The following TNNI1 variants were observed in gnomAD, a reference collection of about 807,000 sequenced individuals.
The protein encoded by TNNI1 is troponin I1, slow skeletal type.
Under a neutral mutation model 26.7 loss-of-function variants are expected in TNNI1, and 14 were observed. The observed-to-expected ratio is 0.52, with a 90% confidence interval of 0.35 to 0.82. TNNI1 has a LOEUF of 0.82. Among genes scored for constraint, TNNI1 ranks in the 40% least tolerant of loss-of-function variants. The pLI, the probability that TNNI1 is intolerant of heterozygous loss-of-function variation, is 0.01. For missense variants in TNNI1, 164 were observed against 257.0 expected, an observed-to-expected ratio of 0.64 and a Z score of 2.47; for synonymous variants, 79 against 98.2, an observed-to-expected ratio of 0.80 and a Z score of 1.16.
rs572710840 is a variant in TNNI1, at chr1:201,414,891, A to G, written c.58-242T>C. On this transcript the variant is annotated intron_variant, in intron 4 of 8. Coordinates refer to ENST00000361379, the MANE Select transcript of TNNI1 (RefSeq NM_003281.4). ...TCTTATCCACTTACTGTCTGTTTTG[A>G]CCCACAAAACTCCAAAGAGAGAAAC... Among the ~76,000 whole-genome samples, 3 of 152,314 alleles carry G rather than the reference A, an allele frequency of 2.0e-5. No individual in the cohort carries two copies. In the South Asian group the frequency reaches 6.2e-4, roughly 32 times the overall value.
At chr1:201,414,436 C>A (rs953903467) in intron 5 of TNNI1, 82 bp downstream of exon 5, 74 of 1,285,140 alleles carry the variant, frequency 5.8e-5, no homozygotes, top group Non-Finnish European at 7.5e-5. Context: ...GGTGTTAGTT[C>A]AGGCTCCTGC....
At chr1:201,416,435 T>C (rs1207823655) in intron 3 of TNNI1, among the ~76,000 whole-genome samples, 3 of 152,226 alleles carry the variant, frequency 2.0e-5, no homozygotes, top group Non-Finnish European at 4.4e-5. Flanking sequence ...TTCATATGAA[T>C]GTTGAAAAGT....
intron 3 of TNNI1, among the ~76,000 whole-genome samples, chr1:201,416,148 C>A (rs1444670527): frequency 1.3e-5 from 2 of 152,160 alleles, no homozygotes; most frequent in Non-Finnish European, 1.5e-5. Flanking sequence ...TGAGTTTCAG[C>A]AAATGGAATG....
rs1662485720 is a variant in TNNI1, at chr1:201,404,846, C to G, written c.*4407G>C. ...GTCATCACCCTGCATTCTGCATGCCCACGCATACACACCATGCTCACCCCT... is the reference window on the plus strand; with the variant it reads ...GTCATCACCCTGCATTCTGCATGCCGACGCATACACACCATGCTCACCCCT... On this transcript the variant is annotated 3_prime_UTR_variant, in exon 9 of 9. Coordinates refer to ENST00000361379, the MANE Select transcript of TNNI1 (RefSeq NM_003281.4). The G allele has an allele frequency of 6.6e-6, 1 of 152,292 alleles. No homozygotes were observed. The highest frequency in any genetic ancestry group is 1.5e-5 in the Non-Finnish European group (1 of 68,074). The allele number at this position is 152,292 out of a possible 1,614,324, so 9.4% of individuals were successfully genotyped here. A position where few individuals can be genotyped will look rare whatever the true frequency, so the allele number is the denominator to read the frequency against.
chr1:201,410,941 T>C (rs1662622584), intron 7 of TNNI1, among the ~76,000 whole-genome samples: 1 of 152,214 alleles, frequency 6.6e-6, no homozygotes, highest in Non-Finnish European at 1.5e-5. Flanking sequence ...CTTTGAATAA[T>C]TTGTTGCTGG....
chr1:201,417,712 A>C, intron 2 of TNNI1, 71 bp downstream of exon 2: 1 of 1,272,700 alleles, frequency 7.9e-7, no homozygotes, highest in Non-Finnish European at 1.0e-6. Flanking sequence ...TGGTGCCTCC[A>C]CTGCGGGGCT....
At chr1:201,413,260 C>T in intron 5 of TNNI1, 139 bp from the exon 6 acceptor site, 2 of 844,086 alleles carry the variant, frequency 2.4e-6, no homozygotes, top group East Asian at 2.5e-5. Context: ...CACTCTGAGG[C>T]TCATGACGGG....
chr1:201,413,134 G>A lies in TNNI1; in HGVS notation c.190-13C>T. The A allele has an allele frequency of 6.2e-7, 1 of 1,613,746 alleles. No homozygotes were observed. The highest frequency in any genetic ancestry group is 1.1e-5 in the South Asian group (1 of 91,074). On this transcript the variant is annotated splice_polypyrimidine_tract_variant and intron_variant, in intron 5 of 8. Coordinates refer to ENST00000361379, the MANE Select transcript of TNNI1 (RefSeq NM_003281.4). ...CCCGGCACAGGTCCTGGGGGCCGCA[G>A]ATGGATCATGCAGGTGTGAAGAAGA...
At position 201,408,563 on chromosome 1, in the gene TNNI1, C is replaced by G. The variant is rs553717926; in HGVS notation, c.*690G>C. On this transcript the variant is annotated 3_prime_UTR_variant, in exon 9 of 9. Coordinates refer to ENST00000361379, the MANE Select transcript of TNNI1 (RefSeq NM_003281.4). ...ATGAAAGCCGGCAGGAGAAGCGGCT[C>G]TTAATGGAGAGGCCTCTTCTGATGG... 2 of 152,404 alleles carry G rather than the reference C, an allele frequency of 1.3e-5. No homozygotes were observed. The highest frequency in any genetic ancestry group is 1.5e-5 in the Non-Finnish European group (1 of 68,248). 9.4% of individuals were successfully genotyped at this position (152,404 alleles called of 1,614,324 possible).
At chr1:201,418,484 A>T (rs977268536) in intron 1 of TNNI1, among the ~76,000 whole-genome samples, 12 of 152,076 alleles carry the variant, frequency 7.9e-5, no homozygotes, top group African/African-American at 2.4e-4. Flanking sequence ...AAAAAAAAAA[A>T]AATAAGTGAG....
intron 5 of TNNI1, among the ~76,000 whole-genome samples, 161 bp downstream of exon 5, chr1:201,414,357 A>T (rs1662696487): frequency 6.6e-6 from 1 of 152,220 alleles, no homozygotes; most frequent in Admixed American, 6.5e-5. Flanking sequence ...CCCACCTCAC[A>T]GGTGGTTGTG....
rs1335350738 is a variant in TNNI1 at position 201,408,760 on chromosome 1, C to T, written c.*493G>A. The T allele has an allele frequency of 6.6e-6, 1 of 152,256 alleles. No homozygotes were observed. Among genetic ancestry groups the T allele is most frequent in the Non-Finnish European group, 1.5e-5 (1 of 68,092 alleles). 9.4% of individuals were successfully genotyped at this position (152,256 alleles called of 1,614,324 possible). A position where few individuals can be genotyped will look rare whatever the true frequency, so the allele number is the denominator to read the frequency against. Reference sequence around the variant, plus strand: ...CTTAGCCCTCCCTTCAGATCCCGAGCTCCGGACTGCAGACAGGGTGACTGG... The same window carrying T: ...CTTAGCCCTCCCTTCAGATCCCGAGTTCCGGACTGCAGACAGGGTGACTGG... On this transcript the variant is annotated 3_prime_UTR_variant, in exon 9 of 9. Coordinates refer to ENST00000361379, the MANE Select transcript of TNNI1 (RefSeq NM_003281.4).
intron 2 of TNNI1, among the ~76,000 whole-genome samples, chr1:201,417,569 C>G (rs1662770837): frequency 6.6e-6 from 1 of 152,178 alleles, no homozygotes; most frequent in Non-Finnish European, 1.5e-5. Context: ...GCCAAAAAGG[C>G]ACTCCCAGGG....
Position 201,408,046 on chromosome 1 carries a change from A to C in TNNI1, c.*1207T>G, listed in dbSNP as rs1662556076. ...TGACACAGCGAGACTCCATCTCAAA[A>C]AAAAAAAAAAAAGGAAAAAGAAAAG... On this transcript the variant is annotated 3_prime_UTR_variant, in exon 9 of 9. Transcript: ENST00000361379. 1 of 151,252 alleles carries C rather than the reference A, an allele frequency of 6.6e-6. No homozygotes were observed. Among genetic ancestry groups the C allele is most frequent in the Non-Finnish European group, 1.5e-5 (1 of 67,792 alleles). The allele number at this position is 151,252 out of a possible 1,614,324, so 9.4% of individuals were successfully genotyped here.
intron 3 of TNNI1, among the ~76,000 whole-genome samples, chr1:201,415,997 A>C (rs1662732142): frequency 6.6e-6 from 1 of 152,124 alleles, no homozygotes; most frequent in Non-Finnish European, 1.5e-5. Context: ...ATAGGCGGTC[A>C]CTTCTCATTG....
intron 2 of TNNI1, among the ~76,000 whole-genome samples, chr1:201,417,382 C>A (rs1352632082): frequency 2.6e-5 from 4 of 152,098 alleles, no homozygotes; most frequent in African/African-American, 9.7e-5. Flanking sequence ...AAGTTGGGGA[C>A]AAGTGGTGGA....
intron 5 of TNNI1, 120 bp downstream of exon 5, chr1:201,414,398 T>C: frequency 1.2e-6 from 1 of 808,950 alleles, no homozygotes; most frequent in Non-Finnish European, 1.8e-6. Context: ...AAGGGAGGAG[T>C]GCCCTGTAAA....
At chr1:201,420,190 G>A (rs1662828696) in intron 1 of TNNI1, among the ~76,000 whole-genome samples, 2 of 152,222 alleles carry the variant, frequency 1.3e-5, no homozygotes, top group Non-Finnish European at 1.5e-5. Flanking sequence ...CTCCTGCCAA[G>A]CTCCGGGGCC....
chr1:201,419,431 A>C (rs796465364), intron 1 of TNNI1, among the ~76,000 whole-genome samples: 2 of 152,194 alleles, frequency 1.3e-5, no homozygotes, highest in Non-Finnish European at 2.9e-5. Flanking sequence ...GCAGGTGTGC[A>C]GGGGCGCACA....
Sources: allele counts gnomAD v4.1 joint callset (sites outside exome capture counted in the v4.1 genomes callset), GRCh38; gene constraint gnomAD v4.1.1; transcripts MANE v1.5; gene names NCBI Gene and HGNC (gene_info 2026-07-23, HGNC 2026-07-21).